Variants in MYH13 observed in about 807,000 individuals in gnomAD.
MYH13 encodes myosin-13.
MYH13 carries 177 observed loss-of-function variants against 232.1 expected under a neutral mutation model. The observed-to-expected ratio is 0.76, with a 90% confidence interval of 0.67 to 0.86. The LOEUF (loss-of-function observed/expected upper bound fraction) is 0.86. Ranked by LOEUF, MYH13 falls within the 40% of genes least tolerant of loss-of-function variation. The probability of loss-of-function intolerance (pLI) is 0.00; values close to 1 mark genes in which losing one functional copy is unlikely to be tolerated. For synonymous variants in MYH13, 884 were observed against 923.5 expected (o/e 0.96, Z 0.78); for missense variants, 2,246 against 2,405.9 (o/e 0.93, Z 1.39).
intron 16 of MYH13, chr17:10,340,948 A>G (rs2092478567): frequency 6.6e-6 from 1 of 152,258 alleles, no homozygotes; most frequent in African/African-American, 2.4e-5. Flanking sequence ...CCTTTCCTTT[A>G]GAAATCAGAG....
rs34889608 is a variant in MYH13 at position 10,306,220 on chromosome 17, ATGTGTGTGTGTGTGTGTG to A, written c.5466+221_5466+238del. Among the ~76,000 whole-genome samples, 67 of 130,036 alleles carry A rather than the reference ATGTGTGTGTGTGTGTGTG, an allele frequency of 5.2e-4. 2 individuals are homozygous for A. Among genetic ancestry groups the A allele is most frequent in the South Asian group, 8.5e-4 (3 of 3,536 alleles). The allele number at this position is 130,036 out of a possible 152,430, so 85.3% of individuals were successfully genotyped here. A position where few individuals can be genotyped will look rare whatever the true frequency, so the allele number is the denominator to read the frequency against. ...CTGAGGTGTGAGCATACCAAAATAG[ATGTGTGTGTGTGTGTGTG>A]TGTGTGTGTGTGTGTGTGTGTGTGT... On this transcript the variant is annotated intron_variant, in intron 37 of 40. Transcript: ENST00000252172. This position sits in a 1 kb window ranked among gnomAD's most constrained non-coding sequence, Gnocchi z 4.3.
chr17:10,314,565 C>G (rs890106275), intron 29 of MYH13, among the ~76,000 whole-genome samples: 2 of 152,216 alleles, frequency 1.3e-5, no homozygotes, highest in Admixed American at 6.5e-5. Context: ...CCCCTTTCCC[C>G]TCATCTACCA....
In MYH13 at chr17:10,344,092, G is replaced by A. The variant is rs777201682; in HGVS notation, c.1602C>T (p.Ser534=). The change falls in exon 16 of 41, where the codon TCC becomes TCT. Residue 534 remains serine, a synonymous_variant. Transcript: ENST00000252172. ...GGAACATGCACTCCTCTTCCAGGAT[G>A]GAGAAGATGCCCATAGGCTGGAAAG... ...ELIEKPMGIF[S]ILEEECMFPK... is the part of the protein sequence containing the mutation. The A allele has an allele frequency of 1.1e-5, 17 of 1,614,034 alleles. No homozygotes were observed. In the East Asian group the frequency reaches 3.1e-4, roughly 30 times the overall value.
Position 10,362,222 on chromosome 17 carries a change from A to T in MYH13, c.401T>A (p.Val134Glu), listed in dbSNP as rs770526034. The T allele has an allele frequency of 1.2e-6, 2 of 1,613,776 alleles. No homozygotes were observed. The highest frequency in any genetic ancestry group is 1.7e-6 in the Non-Finnish European group (2 of 1,179,744). Reference protein sequence around the residue: ...VTVNPYKWLPVYKPEVVAAYR... With the variant: ...VTVNPYKWLPEYKPEVVAAYR... ...GGCAGCCACCACCTCGGGCTTGTAC[A>T]CCGGCAGCCACTTGTAGGGGTTGAC... The change falls in exon 5 of 41, where the codon GTG (valine) becomes GAG (glutamate). Residue 134 changes from valine to glutamate, a missense_variant. Coordinates refer to ENST00000252172, the MANE Select transcript of MYH13 (RefSeq NM_003802.3).
At chr17:10,366,649 G>A (rs1203327352) in intron 2 of MYH13, among the ~76,000 whole-genome samples, 1 of 152,042 alleles carries the variant, frequency 6.6e-6, no homozygotes, top group Non-Finnish European at 1.5e-5. Flanking sequence ...CCAAAGTGCT[G>A]GGATTACAGG....
At chr17:10,358,649 T>C (rs2071767743) in intron 7 of MYH13, among the ~76,000 whole-genome samples, 1 of 152,062 alleles carries the variant, frequency 6.6e-6, no homozygotes, top group Admixed American at 6.6e-5. Flanking sequence ...CTTAGCTACT[T>C]GGAAGGCTGA....
Position 10,312,714 on chromosome 17 carries a change from C to G in MYH13, c.4225G>C (p.Glu1409Gln). Reference protein sequence around the residue: ...QRLQEAEENTETANSKCASLE... With the variant: ...QRLQEAEENTQTANSKCASLE... The stretch of plus-strand genomic sequence containing the variant: ...GATGCGCACTTGGAGTTCGCCGTCT[C>G]CGTGTTCTCCTCTGCTTCCTGGAGC... Residue 1409 changes from glutamate to glutamine, a missense_variant, in exon 31 of 41, where the codon GAG (glutamate) becomes CAG (glutamine). Physicochemically the swap from Glu to Gln is conservative, Grantham distance 29 (BLOSUM62 2). Transcript: ENST00000252172. 4 of 1,613,656 alleles carry G rather than the reference C, an allele frequency of 2.5e-6. No individual in the cohort carries two copies. The highest frequency in any genetic ancestry group is 3.4e-6 in the Non-Finnish European group (4 of 1,179,810).
Position 10,303,257 on chromosome 17 carries a change from T to A in MYH13, c.5606A>T (p.Gln1869Leu). The A allele has an allele frequency of 6.2e-7, 1 of 1,613,782 alleles. No homozygotes were observed. Among genetic ancestry groups the A allele is most frequent in the Non-Finnish European group, 8.5e-7 (1 of 1,179,852 alleles). The change falls in exon 39 of 41, where the codon CAG (glutamine) becomes CTG (leucine). Residue 1869 changes from glutamine to leucine, a missense_variant. Transcript: ENST00000252172. Reference sequence around the variant, plus strand: ...GGCCTGCAGCTTGTCCACCAGGTCCTGGAGCCTAAGGATATTCTTGTGGTC... The same window carrying A: ...GGCCTGCAGCTTGTCCACCAGGTCCAGGAGCCTAAGGATATTCTTGTGGTC... ...EEDHKNILRL[Q>L]DLVDKLQAKV...
intron 32 of MYH13, among the ~76,000 whole-genome samples, 170 bp downstream of exon 32, chr17:10,311,741 A>G (rs1353181959): frequency 6.6e-6 from 1 of 152,182 alleles, no homozygotes; most frequent in Non-Finnish European, 1.5e-5. Context: ...CGTGCCTTAC[A>G]TTAAAAAGGT....
chr17:10,322,297 C>T (rs1246156544), intron 23 of MYH13, among the ~76,000 whole-genome samples: 3 of 151,870 alleles, frequency 2.0e-5, no homozygotes, highest in African/African-American at 4.8e-5. Flanking sequence ...ACTCAGGAGG[C>T]TGAAACAGGA....
At chr17:10,364,305 G>A in intron 3 of MYH13, 22 bp downstream of exon 3, 2 of 1,600,370 alleles carry the variant, frequency 1.2e-6, no homozygotes, top group Non-Finnish European at 8.6e-7. Flanking sequence ...TATTATCAAA[G>A]ACATCTGTAA....
chr17:10,341,510 A>G (rs1474447266), intron 16 of MYH13: 1 of 152,180 alleles, frequency 6.6e-6, no homozygotes, highest in Admixed American at 6.5e-5. Flanking sequence ...CCAATTTGCC[A>G]TCTTAATTTG....
intron 3 of MYH13, 21 bp from the exon 4 acceptor site, chr17:10,362,524 C>A (rs772287258): frequency 2.4e-5 from 39 of 1,613,840 alleles, no homozygotes; most frequent in Non-Finnish European, 3.1e-5. Context: ...AGAGGAAAAG[C>A]AGGTAATAAA....
rs1324478666 is a variant in MYH13, at chr17:10,306,617, C to G, written c.5308G>C (p.Ala1770Pro). 1 of 1,614,106 alleles carries G rather than the reference C, an allele frequency of 6.2e-7. No individual in the cohort carries two copies. Among genetic ancestry groups the G allele is most frequent in the South Asian group, 1.1e-5 (1 of 91,068 alleles). ...KKAITDAAMM[A>P]EELKKEQDTS... ...TCCTGTTCCTTCTTTAGCTCCTCAG[C>G]CATCATGGCAGCCTGGTTAAGTTCA... The change falls in exon 37 of 41, where the codon GCT becomes CCT. Residue 1770 changes from alanine to proline, a missense_variant. By Grantham distance (27) the Ala-to-Pro change is conservative. Transcript: ENST00000252172. The surrounding 1 kb of genome is among the most constrained non-coding windows in gnomAD (Gnocchi z 4.3).
At position 10,345,318 on chromosome 17, in the gene MYH13, A is replaced by C; in HGVS notation, c.1468T>G (p.Phe490Val). 6.2e-7 allele frequency: 1 copy of C among 1,614,116 alleles called. No homozygotes were observed. Among genetic ancestry groups the C allele is most frequent in the Non-Finnish European group, 8.5e-7 (1 of 1,180,032 alleles). ...INFTNEKLQQFFNHHMFVLEQ... is the reference protein window; with the variant it reads ...INFTNEKLQQVFNHHMFVLEQ... ...AGCACGAACATGTGGTGGTTGAAAA[A>C]CTGTTGCAGTTTCTCATTGGTGAAG... is the stretch of plus-strand genomic sequence containing the variant. Residue 490 changes from phenylalanine to valine, a missense_variant, in exon 15 of 41, where the codon TTT becomes GTT. Transcript: ENST00000252172.
intron 29 of MYH13, among the ~76,000 whole-genome samples, chr17:10,315,161 C>T (rs1047434889): frequency 6.6e-6 from 1 of 152,130 alleles, no homozygotes; most frequent in Non-Finnish European, 1.5e-5. Context: ...CTGCGGGGGA[C>T]AGAGGAGGCC....
At chr17:10,316,940 G>T (rs1906736526) in intron 27 of MYH13, among the ~76,000 whole-genome samples, 1 of 152,212 alleles carries the variant, frequency 6.6e-6, no homozygotes, top group Non-Finnish European at 1.5e-5. Context: ...CGTCCTGGAG[G>T]AGCTTAGGAT....
In MYH13 at chr17:10,363,277, C is replaced by G. The variant is rs560859865; in HGVS notation, c.205-774G>C. ...CTTGCAGTGAGCCGAGATCACGCCA[C>G]TGCACTCCAGCCTGGGCGACACAGT... On this transcript the variant is annotated intron_variant, in intron 3 of 40. Transcript: ENST00000252172. 3.1e-3 allele frequency among the ~76,000 whole-genome samples: 402 copies of G among 131,460 alleles called. 3 individuals carry two copies. The highest frequency in any genetic ancestry group is 0.011 in the African/African-American group (372 of 34,174). The allele number at this position is 131,460 out of a possible 152,430, so 86.2% of individuals were successfully genotyped here. A position where few individuals can be genotyped will look rare whatever the true frequency, so the allele number is the denominator to read the frequency against.
intron 11 of MYH13, among the ~76,000 whole-genome samples, chr17:10,351,629 G>A (rs1182135268): frequency 6.6e-6 from 1 of 152,148 alleles, no homozygotes; most frequent in African/African-American, 2.4e-5. Flanking sequence ...AGAATTGAGG[G>A]TCTAGTTGGT....
Sources: gnomAD v4.1 joint callset for allele counts (sites outside exome capture counted in the v4.1 genomes callset) on GRCh38, gnomAD v4.1.1 for gene constraint, Gnocchi (gnomAD v3.1) non-coding constraint, MANE v1.5 for transcripts, NCBI Gene and HGNC (gene_info 2026-07-23, HGNC 2026-07-21) for gene names.